Variants in BCAR3 observed in about 807,000 individuals in gnomAD.
BCAR3 encodes BCAR3 adaptor protein, NSP family member.
In BCAR3, 37 loss-of-function variants were observed where a neutral mutation model predicts 80.1. The ratio of observed to expected loss-of-function variants is 0.46; its 90% CI spans 0.36 to 0.61. The LOEUF (loss-of-function observed/expected upper bound fraction) is 0.61, where lower values mean the gene tolerates loss of function less well. Among genes scored for constraint, BCAR3 ranks in the 20% least tolerant of loss-of-function variants. The probability of loss-of-function intolerance (pLI) is 0.00; values close to 1 mark genes in which losing one functional copy is unlikely to be tolerated. For synonymous variants in BCAR3, 389 were observed against 418.9 expected (o/e 0.93, Z 0.87); for missense variants, 978 against 1,068.2 (o/e 0.92, Z 1.18).
rs139298422 is a variant in BCAR3 at position 93,589,263 on chromosome 1, C to A, written c.643G>T (p.Val215Leu). 6.2e-7 allele frequency: 1 copy of A among 1,614,196 alleles called. No homozygotes were observed. Among genetic ancestry groups the A allele is most frequent in the Admixed American group, 1.7e-5 (1 of 60,032 alleles). Residue 215 changes from valine to leucine, a missense_variant, in exon 5 of 12, where the codon GTG (valine) becomes TTG (leucine). Coordinates refer to ENST00000260502, the MANE Select transcript of BCAR3 (RefSeq NM_003567.4). The stretch of plus-strand genomic sequence containing the variant: ...CTCTCCATCTCGAACTGGTACTGCA[C>A]GCGGCTGTAGGCCTCGCTGAGTCGC... Reference protein sequence around the residue: ...VLRLSEAYSRVQYQFEMESFD... With the variant: ...VLRLSEAYSRLQYQFEMESFD...
intron 3 of BCAR3, among the ~76,000 whole-genome samples, chr1:93,640,042 C>A (rs1362919113): frequency 1.3e-5 from 2 of 152,092 alleles, no homozygotes; most frequent in Non-Finnish European, 2.9e-5. Flanking sequence ...TACTTTTCTC[C>A]AAGCTCAAGA....
chr1:93,616,674 G>A (rs1675138109), intron 3 of BCAR3, among the ~76,000 whole-genome samples: 1 of 152,200 alleles, frequency 6.6e-6, no homozygotes, highest in Non-Finnish European at 1.5e-5. Flanking sequence ...GGGGCAGTGG[G>A]CCACTTTCTG....
intron 2 of BCAR3, among the ~76,000 whole-genome samples, chr1:93,838,332 G>A (rs1003177196): frequency 6.6e-6 from 1 of 152,176 alleles, no homozygotes; most frequent in African/African-American, 2.4e-5. Context: ...GGAGCATCCT[G>A]TCTTTATTAC....
chr1:93,679,015 T>C (rs1381505887), intron 1 of BCAR3, among the ~76,000 whole-genome samples: 1 of 152,178 alleles, frequency 6.6e-6, no homozygotes, highest in Non-Finnish European at 1.5e-5. Flanking sequence ...AAAAATAAAA[T>C]GGTATGACTC....
At chr1:93,765,400 A>G (rs2100732798) in intron 2 of BCAR3, among the ~76,000 whole-genome samples, 1 of 152,242 alleles carries the variant, frequency 6.6e-6, no homozygotes, top group East Asian at 1.9e-4. Flanking sequence ...GTTATTCTGA[A>G]TCTTGTGGGA....
At chr1:93,621,975 G>C (rs1354509605) in intron 3 of BCAR3, among the ~76,000 whole-genome samples, 1 of 152,194 alleles carries the variant, frequency 6.6e-6, no homozygotes, top group Middle Eastern at 3.2e-3. Context: ...GGGTTCAAGT[G>C]ATTCTCCTGC....
chr1:93,674,971 A>G, intron 1 of BCAR3, 30 bp from the exon 2 acceptor site: 1 of 1,488,228 alleles, frequency 6.7e-7, no homozygotes, highest in Non-Finnish European at 9.0e-7. Context: ...GTGAAGGTAT[A>G]AATCTATGAG....
rs553580071 is a variant in BCAR3, at chr1:93,825,465, A to G, written c.-63+20102T>C. Among the ~76,000 whole-genome samples the G allele has an allele frequency of 1.5e-5, 2 of 134,358 alleles. 1 individual carries two copies. Among genetic ancestry groups the G allele is most frequent in the South Asian group, 6.0e-4 (2 of 3,334 alleles). 88.1% of individuals were successfully genotyped at this position (134,358 alleles called of 152,430 possible). On this transcript the variant is annotated intron_variant, in intron 2 of 13. Transcript: ENST00000370244. ...CCTGATCAAGAAAAGCAACCTGAAC[A>G]GTTAAAAGTTAAGGTCTCTTCAGAG...
At chr1:93,820,458 C>T (rs1376367351) in intron 2 of BCAR3, among the ~76,000 whole-genome samples, 1 of 152,196 alleles carries the variant, frequency 6.6e-6, no homozygotes, top group African/African-American at 2.4e-5. Context: ...AAATTCCCTC[C>T]TCAGGTTCAA....
chr1:93,592,560 G>A lies in BCAR3; in HGVS notation c.358-167C>T, dbSNP rs749594281. On this transcript the variant is annotated intron_variant, in intron 3 of 11. Transcript: ENST00000260502. The surrounding 1 kb of genome is among the most constrained non-coding windows in gnomAD (Gnocchi z 4.8). ...AAGAGCTGTGACCTTTCGTTTCTCC[G>A]GCCGCAACCATGTAATAAAATTTTC... is the stretch of plus-strand genomic sequence containing the variant. The A allele has an allele frequency of 3.8e-5, 34 of 901,258 alleles. No individual in the cohort carries two copies. Among genetic ancestry groups the A allele is most frequent in the East Asian group, 5.9e-5 (2 of 34,110 alleles). 55.8% of individuals were successfully genotyped at this position (901,258 alleles called of 1,614,324 possible).
chr1:93,788,529 G>C (rs1192596761), intron 2 of BCAR3, among the ~76,000 whole-genome samples: 2 of 152,102 alleles, frequency 1.3e-5, no homozygotes, highest in Non-Finnish European at 2.9e-5. Flanking sequence ...TTCAGCATTT[G>C]TTTGTCTGAA....
At position 93,843,585 on chromosome 1, in the gene BCAR3, T is replaced by TTTTG. The variant is rs367851482; in HGVS notation, c.-63+1978_-63+1981dup. Among the ~76,000 whole-genome samples the TTTTG allele has an allele frequency of 3.9e-5, 6 of 152,252 alleles. No homozygotes were observed. The East Asian group carries it at 1.2e-3, about 29-fold the overall frequency. The stretch of plus-strand genomic sequence containing the variant: ...TACTCTTAACTGCTACTACCACAGT[T>TTTTG]TTTGTTTGTTTGTTTTTTAAATCTC... On this transcript the variant is annotated intron_variant, in intron 2 of 13. Coordinates refer to the BCAR3 transcript ENST00000370244.
intron 2 of BCAR3, among the ~76,000 whole-genome samples, chr1:93,711,603 CA>C (rs1650023570): frequency 6.6e-6 from 1 of 152,104 alleles, no homozygotes; most frequent in South Asian, 2.1e-4. Flanking sequence ...GAAGAAGCCG[CA>C]AAGGGGTGTG....
At chr1:93,661,337 C>A (rs1263626155) in intron 2 of BCAR3, among the ~76,000 whole-genome samples, 2 of 152,112 alleles carry the variant, frequency 1.3e-5, no homozygotes, top group African/African-American at 4.8e-5. Context: ...CTGCACCCGG[C>A]CTACAAATTT....
chr1:93,588,427 A>G (rs1674033790), intron 5 of BCAR3, among the ~76,000 whole-genome samples: 3 of 152,020 alleles, frequency 2.0e-5, no homozygotes, highest in Non-Finnish European at 4.4e-5. Context: ...CCCCCGGTAC[A>G]TCACTGTCCA....
intron 2 of BCAR3, among the ~76,000 whole-genome samples, chr1:93,763,230 AT>A (rs1364517076): frequency 6.6e-6 from 1 of 152,052 alleles, no homozygotes; most frequent in East Asian, 1.9e-4. Context: ...CACATGGCTA[AT>A]TTTTAAATGT....
At chr1:93,649,314 T>C (rs1054487447) in intron 2 of BCAR3, among the ~76,000 whole-genome samples, 15 of 152,166 alleles carry the variant, frequency 9.9e-5, no homozygotes, top group African/African-American at 2.9e-4. Context: ...CAGGACACCT[T>C]GTCTTGAGGT....
intron 7 of BCAR3, 66 bp downstream of exon 7, chr1:93,582,224 GCCAGAGGAGCA>G: frequency 6.6e-7 from 1 of 1,524,468 alleles, no homozygotes; most frequent in Non-Finnish European, 8.8e-7. Flanking sequence ...ACCTACAAAA[GCCAGAGGAGCA>G]CCGGGACCCC....
chr1:93,833,861 G>A (rs1341956961), intron 2 of BCAR3, among the ~76,000 whole-genome samples: 1 of 152,154 alleles, frequency 6.6e-6, no homozygotes, highest in Non-Finnish European at 1.5e-5. Context: ...TTATGAAGAT[G>A]ACAGGATTAA....
Sources: allele counts gnomAD v4.1 joint callset (sites outside exome capture counted in the v4.1 genomes callset), GRCh38; gene constraint gnomAD v4.1.1; non-coding constraint Gnocchi (gnomAD v3.1); transcripts MANE v1.5; gene names NCBI Gene and HGNC (gene_info 2026-07-23, HGNC 2026-07-21).